CCDC62: variants seen among roughly 807,000 people sequenced by gnomAD.
CCDC62 encodes coiled-coil domain containing 62.
A neutral mutation model predicts 80.8 loss-of-function variants in CCDC62; 72 were observed. That is an observed-to-expected ratio of 0.89 (90% CI 0.74 to 1.08). CCDC62 has a LOEUF of 1.08. Ranked by LOEUF, CCDC62 falls within the 50% of genes least tolerant of loss-of-function variation. The pLI, the probability that CCDC62 is intolerant of heterozygous loss-of-function variation, is 0.00. For missense variants in CCDC62, 704 were observed against 809.4 expected (o/e 0.87, Z 1.58); for synonymous variants, 286 against 296.5 (o/e 0.96, Z 0.36).
chr12:122,806,338 C>A (rs769473574), intron 10 of CCDC62, 43 bp downstream of exon 10: 3 of 1,529,416 alleles, frequency 2.0e-6, no homozygotes, highest in South Asian at 1.3e-5. Flanking sequence ...TCAAGCCAGG[C>A]CTCTCACCAG....
intron 9 of CCDC62, among the ~76,000 whole-genome samples, chr12:122,803,162 A>G (rs1388880309): frequency 6.6e-6 from 1 of 152,182 alleles, no homozygotes; most frequent in East Asian, 1.9e-4. Context: ...CACCGCATCC[A>G]GCATCTCTCA....
chr12:122,796,159 A>G (rs982156171), intron 6 of CCDC62, among the ~76,000 whole-genome samples: 7 of 152,064 alleles, frequency 4.6e-5, no homozygotes, highest in Non-Finnish European at 1.0e-4. Flanking sequence ...TCAAATATAC[A>G]TATATTTTTT....
At chr12:122,780,314 GA>G (rs78834464) in intron 2 of CCDC62, among the ~76,000 whole-genome samples, 7,399 of 97,304 alleles carry the variant, frequency 0.076, 232 homozygotes, top group Middle Eastern at 0.17. Flanking sequence ...CCGTCTCAAC[GA>G]AAAAAAAAAA....
intron 10 of CCDC62, among the ~76,000 whole-genome samples, chr12:122,811,028 G>C (rs950332862): frequency 5.6e-5 from 8 of 143,618 alleles, no homozygotes; most frequent in Admixed American, 4.1e-4. Context: ...TGTGGGGTGG[G>C]GGGAGGGGGG....
intron 9 of CCDC62, among the ~76,000 whole-genome samples, chr12:122,805,663 C>T (rs966934308): frequency 2.6e-4 from 39 of 151,702 alleles, no homozygotes; most frequent in Non-Finnish European, 4.6e-4. Flanking sequence ...TACAGGCACC[C>T]GCCACCACAC....
chr12:122,819,743 T>A (rs965307632), intron 11 of CCDC62, among the ~76,000 whole-genome samples: 2 of 152,034 alleles, frequency 1.3e-5, no homozygotes, highest in Non-Finnish European at 2.9e-5. Flanking sequence ...TACTGAAGGT[T>A]CATATGGCAT....
intron 5 of CCDC62, among the ~76,000 whole-genome samples, chr12:122,789,731 A>C (rs1173258051): frequency 1.3e-5 from 2 of 152,158 alleles, no homozygotes; most frequent in Non-Finnish European, 2.9e-5. Flanking sequence ...CAACACACCC[A>C]GCCGATCTTT....
At chr12:122,818,485 G>A (rs1247955635) in intron 11 of CCDC62, among the ~76,000 whole-genome samples, 6 of 150,518 alleles carry the variant, frequency 4.0e-5, no homozygotes, top group Admixed American at 2.0e-4. Context: ...TTAACTGGAC[G>A]TGGTGACCCA....
At chr12:122,791,992 A>C in intron 5 of CCDC62, 28 bp from the exon 6 acceptor site, 1 of 1,484,046 alleles carries the variant, frequency 6.7e-7, no homozygotes, top group Admixed American at 1.7e-5. Context: ...TATTTATTTG[A>C]GGACTTTCTT....
In CCDC62 at chr12:122,801,485, A is replaced by G. The variant is rs2031303173; in HGVS notation, c.1339A>G (p.Lys447Glu). Reference sequence around the variant, plus strand: ...TGGCACTGGGGTTCAGAACGAAGGAAAACAACCCTCAGAAACACCCACTTT... The same window carrying G: ...TGGCACTGGGGTTCAGAACGAAGGAGAACAACCCTCAGAAACACCCACTTT... ...CHGTGVQNEG[K>E]QPSETPTLSD... Residue 447 changes from lysine (K) to glutamate (E), a missense_variant, in exon 9 of 13, where the codon AAA (lysine) becomes GAA (glutamate). Physicochemically the swap from Lys to Glu is moderately conservative, Grantham distance 56. Coordinates refer to ENST00000253079, the MANE Select transcript of CCDC62 (RefSeq NM_201435.5). 3 of 1,614,200 alleles carry G rather than the reference A, an allele frequency of 1.9e-6. No individual in the cohort carries two copies. Among genetic ancestry groups the G allele is most frequent in the African/African-American group, 2.7e-5 (2 of 75,050 alleles).
At chr12:122,791,509 C>T (rs2030603751) in intron 5 of CCDC62, among the ~76,000 whole-genome samples, 1 of 151,674 alleles carries the variant, frequency 6.6e-6, no homozygotes, top group Non-Finnish European at 1.5e-5. Flanking sequence ...AGTGCAGTGG[C>T]GTGATCTCAG....
At chr12:122,819,426 T>C (rs976984815) in intron 11 of CCDC62, among the ~76,000 whole-genome samples, 5 of 152,136 alleles carry the variant, frequency 3.3e-5, no homozygotes, top group African/African-American at 1.2e-4. Context: ...GTTGGGGAAA[T>C]TGGCAATGTT....
At chr12:122,782,017 C>G (rs1167658634) in intron 3 of CCDC62, among the ~76,000 whole-genome samples, 2 of 139,104 alleles carry the variant, frequency 1.4e-5, no homozygotes, top group East Asian at 2.2e-4. Context: ...ACACCCCAGC[C>G]TGGGTGACAA....
In CCDC62 at chr12:122,785,840, C is replaced by T; in HGVS notation, c.498+20C>T. ...CTAAAGGTAATCAAAAATAAGAATT[C>T]CTCCATTTGCCAGAGTGCTTGGTAG... On this transcript the variant is annotated intron_variant, in intron 4 of 12. Coordinates refer to ENST00000253079, the MANE Select transcript of CCDC62 (RefSeq NM_201435.5). 1 of 1,487,604 alleles carries T rather than the reference C, an allele frequency of 6.7e-7. No individual in the cohort carries two copies. The highest frequency in any genetic ancestry group is 9.4e-7 in the Non-Finnish European group (1 of 1,065,106). The allele number at this position is 1,487,604 out of a possible 1,614,324, so 92.2% of individuals were successfully genotyped here.
chr12:122,804,994 C>T (rs1291336201), intron 9 of CCDC62, among the ~76,000 whole-genome samples: 3 of 151,460 alleles, frequency 2.0e-5, no homozygotes, highest in African/African-American at 4.9e-5. Flanking sequence ...AAGCGATTCT[C>T]CTGCCTCAAC....
chr12:122,797,830 G>A (rs559810478), intron 7 of CCDC62, among the ~76,000 whole-genome samples: 11 of 152,206 alleles, frequency 7.2e-5, no homozygotes, highest in Middle Eastern at 3.4e-3. Context: ...GTGAACCAGC[G>A]CACCCAGCCT....
At chr12:122,780,933 G>A (rs572124128) in intron 2 of CCDC62, among the ~76,000 whole-genome samples, 9 of 152,200 alleles carry the variant, frequency 5.9e-5, no homozygotes, top group Non-Finnish European at 7.3e-5. Context: ...GGTTGGGAAC[G>A]CGGAAACTGG....
chr12:122,821,862 C>T (rs1046281992), intron 11 of CCDC62, among the ~76,000 whole-genome samples: 2 of 152,022 alleles, frequency 1.3e-5, no homozygotes, highest in Non-Finnish European at 2.9e-5. Flanking sequence ...GTATCTATCA[C>T]CTCACATACT....
intron 11 of CCDC62, among the ~76,000 whole-genome samples, chr12:122,819,985 C>A (rs2135593678): frequency 7.4e-6 from 1 of 134,792 alleles, no homozygotes; most frequent in African/African-American, 2.8e-5. Context: ...TTGCTTGAGC[C>A]CAGGAATTTG....
Sources: gnomAD v4.1 joint callset for allele counts (sites outside exome capture counted in the v4.1 genomes callset) on GRCh38, gnomAD v4.1.1 for gene constraint, MANE v1.5 for transcripts, NCBI Gene and HGNC (gene_info 2026-07-23, HGNC 2026-07-21) for gene names.